KIT: variants seen among roughly 807,000 people sequenced by gnomAD.
KIT encodes the protein KIT proto-oncogene, receptor tyrosine kinase, also known as mast/stem cell growth factor receptor Kit.
KIT carries 16 observed loss-of-function variants against 105.7 expected under a neutral mutation model. That is an observed-to-expected ratio of 0.15 (90% CI 0.10 to 0.23). The LOEUF (loss-of-function observed/expected upper bound fraction) is 0.23. KIT is among the 10% of genes least tolerant of loss of function. The probability of loss-of-function intolerance (pLI) is 1.00; values close to 1 mark genes in which losing one functional copy is unlikely to be tolerated. For synonymous variants in KIT, 438 were observed against 441.1 expected (o/e 0.99, Z 0.09); for missense variants, 858 against 1,213.8 (o/e 0.71, Z 4.36).
At chr4:54,667,572 G>C (rs1308688068) in intron 1 of KIT, among the ~76,000 whole-genome samples, 2 of 152,174 alleles carry the variant, frequency 1.3e-5, no homozygotes, top group Non-Finnish European at 2.9e-5. Flanking sequence ...GTGGAATTTG[G>C]TCAAGATGTG....
Position 54,658,056 on chromosome 4 carries a change from G to A in KIT, c.42G>A (p.Leu14=), listed in dbSNP as rs1330227601. 6.2e-7 allele frequency: 1 copy of A among 1,613,950 alleles called. No homozygotes were observed. Among genetic ancestry groups the A allele is most frequent in the Non-Finnish European group, 8.5e-7 (1 of 1,179,912 alleles). ...GCGCCTGGGATTTTCTCTGCGTTCT[G>A]CTCCTACTGCTTCGCGTCCAGACAG... ...ARGAWDFLCV[L]LLLLRVQTGS... is the part of the protein sequence containing the mutation. The change falls in exon 1 of 21, where the codon CTG becomes CTA. Residue 14 remains leucine, a synonymous_variant. Transcript: ENST00000288135.
rs530873917 is a variant in KIT at position 54,662,675 on chromosome 4, C to T, written c.67+4594C>T. 1.9e-3 allele frequency among the ~76,000 whole-genome samples: 291 copies of T among 152,210 alleles called. 3 individuals are homozygous for T. Among genetic ancestry groups the T allele is most frequent in the South Asian group, 4.6e-3 (22 of 4,814 alleles). On this transcript the variant is annotated intron_variant, in intron 1 of 20. Coordinates refer to ENST00000288135, the MANE Select transcript of KIT (RefSeq NM_000222.3). ...GCAACCTCCACCTCCTGGGTTCAAG[C>T]GATTCTCCTGCCTCAGCCTCCTGAG...
chr4:54,708,299 C>T (rs576610287), intron 6 of KIT, among the ~76,000 whole-genome samples: 15 of 152,090 alleles, frequency 9.9e-5, no homozygotes, highest in Admixed American at 6.5e-5. Flanking sequence ...TTTTGCCAAA[C>T]GCCCTAGAAG....
intron 8 of KIT, among the ~76,000 whole-genome samples, 161 bp from the exon 9 acceptor site, chr4:54,725,696 A>G (rs1464603303): frequency 6.6e-6 from 1 of 152,176 alleles, no homozygotes; most frequent in East Asian, 1.9e-4. Context: ...TTTTTCACTC[A>G]CTAGGTCACC....
intron 1 of KIT, among the ~76,000 whole-genome samples, chr4:54,688,531 C>T (rs916586390): frequency 4.6e-5 from 7 of 152,104 alleles, no homozygotes; most frequent in Admixed American, 1.3e-4. Context: ...TACTTTTAAC[C>T]GCAGCTATCA....
intron 2 of KIT, 58 bp downstream of exon 2, chr4:54,695,839 A>G: frequency 6.2e-7 from 1 of 1,602,330 alleles, no homozygotes; most frequent in Admixed American, 1.7e-5. Context: ...CCTGCTCTTA[A>G]TTTTGGATGA....
chr4:54,725,027 G>GTAT, intron 8 of KIT, among the ~76,000 whole-genome samples: 1 of 152,310 alleles, frequency 6.6e-6, no homozygotes, highest in South Asian at 2.1e-4. Flanking sequence ...GCCACCTGCA[G>GTAT]TATAACTAGG....
intron 3 of KIT, among the ~76,000 whole-genome samples, 177 bp downstream of exon 3, chr4:54,698,742 G>A (rs1215593474): frequency 7.9e-5 from 12 of 152,322 alleles, no homozygotes; most frequent in East Asian, 1.9e-4. Context: ...TCCTGACCCC[G>A]TGTGGCAGTT....
At chr4:54,673,816 CATTTTATTTT>C (rs71202468) in intron 1 of KIT, among the ~76,000 whole-genome samples, 1 of 152,048 alleles carries the variant, frequency 6.6e-6, no homozygotes, top group Non-Finnish European at 1.5e-5. Context: ...TAGTTGTTTT[CATTTTATTTT>C]ATTTTATTTT....
At chr4:54,718,292 G>A (rs976255306) in intron 7 of KIT, among the ~76,000 whole-genome samples, 5 of 152,248 alleles carry the variant, frequency 3.3e-5, no homozygotes, top group Admixed American at 1.3e-4. Context: ...GTAGAGATGG[G>A]ATTTCACCAT....
At chr4:54,725,760 C>T in intron 8 of KIT, 97 bp from the exon 9 acceptor site, 1 of 1,131,074 alleles carries the variant, frequency 8.8e-7, no homozygotes, top group Non-Finnish European at 1.3e-6. Flanking sequence ...GATTATGAAC[C>T]TCTAACTTTG....
intron 1 of KIT, among the ~76,000 whole-genome samples, chr4:54,665,515 G>A (rs756464026): frequency 2.6e-5 from 4 of 152,252 alleles, no homozygotes; most frequent in Non-Finnish European, 4.4e-5. Flanking sequence ...TAAGAGACAC[G>A]AGGAGGATAA....
intron 5 of KIT, 128 bp downstream of exon 5, chr4:54,704,020 A>G: frequency 1.2e-6 from 1 of 867,072 alleles, no homozygotes; most frequent in Admixed American, 1.8e-5. Flanking sequence ...TGAATGAATG[A>G]AAATTATCCT....
At chr4:54,709,600 G>A (rs997234121) in intron 7 of KIT, 61 bp downstream of exon 7, 3 of 1,025,302 alleles carry the variant, frequency 2.9e-6, no homozygotes, top group Non-Finnish European at 4.6e-6. Context: ...GCTCGTGTTT[G>A]TAACAGCTGC....
chr4:54,737,327 A>T (rs1314254925), intron 20 of KIT, 47 bp downstream of exon 20: 2 of 1,236,630 alleles, frequency 1.6e-6, no homozygotes, highest in Non-Finnish European at 2.4e-6. Flanking sequence ...TCCCAGTTCC[A>T]GGTGTGTCCT....
chr4:54,687,393 G>A (rs751806094), intron 1 of KIT, among the ~76,000 whole-genome samples: 33 of 151,848 alleles, frequency 2.2e-4, no homozygotes, highest in Admixed American at 3.9e-4. Flanking sequence ...AGCCGAGATC[G>A]CGCCACTGCC....
chr4:54,724,031 G>A (rs1488782785), intron 8 of KIT, among the ~76,000 whole-genome samples: 1 of 152,168 alleles, frequency 6.6e-6, no homozygotes, highest in Non-Finnish European at 1.5e-5. Flanking sequence ...TAATGTGTGT[G>A]GGAAATGTGA....
chr4:54,712,154 A>G (rs1485410810), intron 7 of KIT, among the ~76,000 whole-genome samples: 10 of 152,206 alleles, frequency 6.6e-5, no homozygotes, highest in Non-Finnish European at 1.3e-4. Context: ...TTTCTTTTCT[A>G]AGATTCCCAA....
chr4:54,721,887 TGAG>T (rs1169521190), intron 7 of KIT, among the ~76,000 whole-genome samples: 1 of 152,246 alleles, frequency 6.6e-6, no homozygotes, highest in South Asian at 2.1e-4. Flanking sequence ...TTTAGATTAT[TGAG>T]GAGAATATTT....
Sources: allele counts gnomAD v4.1 joint callset (sites outside exome capture counted in the v4.1 genomes callset), GRCh38; gene constraint gnomAD v4.1.1; transcripts MANE v1.5; gene names NCBI Gene and HGNC (gene_info 2026-07-23, HGNC 2026-07-21).